UBE2D2: variants seen among roughly 807,000 people sequenced by gnomAD.
UBE2D2 encodes the protein ubiquitin conjugating enzyme E2 D2, also known as ubiquitin-conjugating enzyme E2 D2.
UBE2D2 carries 2 observed loss-of-function variants against 24.2 expected under a neutral mutation model. The ratio of observed to expected loss-of-function variants is 0.08; its 90% CI spans 0.03 to 0.26. The LOEUF is 0.26. Among genes scored for constraint, UBE2D2 ranks in the 10% least tolerant of loss-of-function variants. The probability of loss-of-function intolerance (pLI) is 1.00; values close to 1 mark genes in which losing one functional copy is unlikely to be tolerated. For synonymous variants in UBE2D2, 58 were observed against 56.5 expected (o/e 1.03, Z -0.12); for missense variants, 44 against 177.6 (o/e 0.25, Z 4.28).
intron 1 of UBE2D2, among the ~76,000 whole-genome samples, chr5:139,566,699 T>G (rs984073732): frequency 2.0e-5 from 3 of 151,770 alleles, no homozygotes; most frequent in African/African-American, 7.3e-5. Flanking sequence ...ACAAAAAGAT[T>G]TCAAACTCTG....
intron 1 of UBE2D2, among the ~76,000 whole-genome samples, chr5:139,590,022 G>A (rs1441346253): frequency 1.3e-5 from 2 of 152,084 alleles, no homozygotes; most frequent in Admixed American, 1.3e-4. Context: ...CTGACCTTGT[G>A]GTCCGTCCTC....
chr5:139,624,459 G>A (rs1452562058), intron 6 of UBE2D2, among the ~76,000 whole-genome samples: 1 of 152,150 alleles, frequency 6.6e-6, no homozygotes, highest in Non-Finnish European at 1.5e-5. Flanking sequence ...AGTATTCAGT[G>A]AAGTTATAAG....
chr5:139,572,913 G>T (rs1561507014), intron 1 of UBE2D2, among the ~76,000 whole-genome samples: 1 of 151,772 alleles, frequency 6.6e-6, no homozygotes, highest in East Asian at 1.9e-4. Context: ...CAATGTGCTG[G>T]GATTGCAGGT....
At chr5:139,529,159 A>G (rs899953369) in intron 1 of UBE2D2, among the ~76,000 whole-genome samples, 6 of 152,204 alleles carry the variant, frequency 3.9e-5, no homozygotes, top group Non-Finnish European at 5.9e-5. Context: ...TAAGAACTCC[A>G]AAAGGAACCT....
At position 139,550,546 on chromosome 5, in the gene UBE2D2, C is replaced by T. The variant is rs146748338; in HGVS notation, c.-64+23934C>T. Among the ~76,000 whole-genome samples, 38 of 152,232 alleles carry T rather than the reference C, an allele frequency of 2.5e-4. No homozygotes were observed. The Middle Eastern group carries it at 0.01, about 41-fold the overall frequency. On this transcript the variant is annotated intron_variant, in intron 1 of 6. Transcript: ENST00000511725. Reference sequence around the variant, plus strand: ...TGCCTGCGCTAGTAGTGGCAACTGGCTCAGGTTCTCTTCCACGCTCACGCT... The same window carrying T: ...TGCCTGCGCTAGTAGTGGCAACTGGTTCAGGTTCTCTTCCACGCTCACGCT...
intron 1 of UBE2D2, among the ~76,000 whole-genome samples, chr5:139,574,085 C>CT (rs913940070): frequency 0.016 from 2,357 of 144,690 alleles, 65 homozygotes; most frequent in African/African-American, 0.054. Context: ...TAACTTCTCT[C>CT]TTTTTTTTTT....
intron 2 of UBE2D2, among the ~76,000 whole-genome samples, chr5:139,609,726 C>CTT (rs112153062): frequency 1.0e-4 from 15 of 148,692 alleles, no homozygotes; most frequent in African/African-American, 3.5e-4. Flanking sequence ...TGCTTTCTTT[C>CTT]TTTTTTTCTT....
intron 1 of UBE2D2, among the ~76,000 whole-genome samples, chr5:139,541,159 G>T: frequency 1.3e-5 from 2 of 150,938 alleles, no homozygotes; most frequent in Admixed American, 1.3e-4. Flanking sequence ...TTAGCTGGGC[G>T]TGGTAGCATG....
At chr5:139,600,540 C>A in intron 2 of UBE2D2, 105 bp downstream of exon 2, 1 of 1,107,440 alleles carries the variant, frequency 9.0e-7, no homozygotes, top group Non-Finnish European at 1.3e-6. Context: ...CCTTAGTGGC[C>A]CATGAAGGGA....
intron 1 of UBE2D2, among the ~76,000 whole-genome samples, chr5:139,543,125 G>C (rs1403452129): frequency 6.6e-6 from 1 of 151,892 alleles, no homozygotes; most frequent in Non-Finnish European, 1.5e-5. Flanking sequence ...TCGAACTCCT[G>C]ACCTCGTGAT....
intron 1 of UBE2D2, among the ~76,000 whole-genome samples, chr5:139,586,743 C>T (rs1028659629): frequency 2.0e-5 from 3 of 151,468 alleles, no homozygotes; most frequent in Non-Finnish European, 4.4e-5. Context: ...CCAGCCTGGG[C>T]GACAGAGCGA....
intron 1 of UBE2D2, among the ~76,000 whole-genome samples, chr5:139,552,483 C>CT (rs905040335): frequency 6.7e-6 from 1 of 148,652 alleles, no homozygotes; most frequent in African/African-American, 2.5e-5. Flanking sequence ...TAGCTAACTT[C>CT]TTTTTTTGTT....
chr5:139,527,649 G>C (rs1329482303), intron 1 of UBE2D2, among the ~76,000 whole-genome samples: 1 of 152,104 alleles, frequency 6.6e-6, no homozygotes, highest in Non-Finnish European at 1.5e-5. Flanking sequence ...TTCTTGTCCT[G>C]AAATAAATTA....
intron 1 of UBE2D2, among the ~76,000 whole-genome samples, chr5:139,580,628 A>G (rs1201800254): frequency 1.3e-5 from 2 of 152,094 alleles, no homozygotes; most frequent in Admixed American, 1.3e-4. Flanking sequence ...TTGTATTTTT[A>G]GTAGAGACGG....
chr5:139,604,045 G>T (rs1754139926), intron 2 of UBE2D2, among the ~76,000 whole-genome samples: 1 of 151,940 alleles, frequency 6.6e-6, no homozygotes, highest in South Asian at 2.1e-4. Context: ...GGCTGCAAAT[G>T]ATGCCATCAC....
upstream of UBE2D2, among the ~76,000 whole-genome samples, chr5:139,556,874 G>A (rs201944998): frequency 2.7e-5 from 4 of 148,440 alleles, no homozygotes; most frequent in East Asian, 2.0e-4. Context: ...TTGCTTTGTC[G>A]CCCAGGCTGG....
intron 2 of UBE2D2, among the ~76,000 whole-genome samples, chr5:139,607,407 A>G (rs1029683871): frequency 1.1e-4 from 17 of 152,240 alleles, no homozygotes; most frequent in Non-Finnish European, 1.8e-4. Flanking sequence ...AGCCATAAAG[A>G]TTATTTGTCT....
chr5:139,564,450 G>A (rs1029441312), intron 1 of UBE2D2, among the ~76,000 whole-genome samples: 2 of 150,122 alleles, frequency 1.3e-5, no homozygotes, highest in Non-Finnish European at 3.0e-5. Context: ...TACCGTGCCC[G>A]GCCTGAACTT....
chr5:139,605,105 T>C (rs1754170621), intron 2 of UBE2D2, among the ~76,000 whole-genome samples: 1 of 152,198 alleles, frequency 6.6e-6, no homozygotes, highest in Non-Finnish European at 1.5e-5. Flanking sequence ...CCACATGTTA[T>C]TGATATTTAG....
Sources: gnomAD v4.1 joint callset for allele counts (sites outside exome capture counted in the v4.1 genomes callset) on GRCh38, gnomAD v4.1.1 for gene constraint, MANE v1.5 for transcripts, NCBI Gene and HGNC (gene_info 2026-07-23, HGNC 2026-07-21) for gene names.